Variants in DNAH12 observed in about 807,000 individuals in gnomAD.
DNAH12 encodes the protein axonemal beta dynein heavy chain 12.
Under a neutral mutation model 371.5 loss-of-function variants are expected in DNAH12, and 285 were observed. The ratio of observed to expected loss-of-function variants is 0.77; its 90% CI spans 0.70 to 0.85. The LOEUF (loss-of-function observed/expected upper bound fraction) is 0.85. Among genes scored for constraint, DNAH12 ranks in the 40% least tolerant of loss-of-function variants. DNAH12 has a pLI of 0.00. For missense variants in DNAH12, 3,611 were observed against 3,689.4 expected (o/e 0.98, Z 0.55); for synonymous variants, 1,200 against 1,213.0 (o/e 0.99, Z 0.22).
chr3:57,527,220 G>A (rs1189099344), intron 2 of DNAH12, among the ~76,000 whole-genome samples: 1 of 152,176 alleles, frequency 6.6e-6, no homozygotes, highest in African/African-American at 2.4e-5. Flanking sequence ...AACTAAGACA[G>A]GTGTGGTGAC....
chr3:57,469,613 A>C (rs951959736), intron 16 of DNAH12, among the ~76,000 whole-genome samples: 1 of 152,236 alleles, frequency 6.6e-6, no homozygotes, highest in Admixed American at 6.5e-5. Flanking sequence ...GAATAAAAAA[A>C]ATTTGGTACA....
chr3:57,324,913 A>T (rs2153298073), intron 62 of DNAH12, among the ~76,000 whole-genome samples: 1 of 152,316 alleles, frequency 6.6e-6, no homozygotes, highest in South Asian at 2.1e-4. Flanking sequence ...ACACCAGGAG[A>T]TTATATCCCC....
chr3:57,446,566 C>T lies in DNAH12; in HGVS notation c.3910G>A (p.Asp1304Asn), dbSNP rs375577333. The T allele has an allele frequency of 1.7e-4, 268 of 1,540,304 alleles. No homozygotes were observed. Among genetic ancestry groups the T allele is most frequent in the Non-Finnish European group, 2.2e-4 (255 of 1,142,590 alleles). ...AVQCVVFNCS[D>N]GLDYLAMGKF... ...CCCATTGCTAGATAATCTAGCCCATCAGAACAGTTGAACACCACACACTGT... is the reference window on the plus strand; with the variant it reads ...CCCATTGCTAGATAATCTAGCCCATTAGAACAGTTGAACACCACACACTGT... The change falls in exon 26 of 74, where the codon GAT becomes AAT. Residue 1304 changes from aspartate to asparagine, a missense_variant. Coordinates refer to ENST00000495027, the MANE Select transcript of DNAH12 (RefSeq NM_001366028.2).
chr3:57,468,254 T>C (rs563201642), intron 17 of DNAH12, among the ~76,000 whole-genome samples: 139 of 152,316 alleles, frequency 9.1e-4, no homozygotes, highest in African/African-American at 3.3e-3. Context: ...GTCTTATTCT[T>C]GAGCCTAGGA....
rs957561373 is a variant in DNAH12 at position 57,453,356 on chromosome 3, A to C, written c.3504T>G (p.Ile1168Met). The stretch of plus-strand genomic sequence containing the variant: ...ACAACTTTCCTCTTACCAGCTCTAC[A>C]ATCTCATTCAGTTGGTTCTGAAGTT... The part of the protein sequence containing the change: ...YKELQNQLNE[I>M]VELVRGKLSK... Residue 1168 changes from isoleucine to methionine, a missense_variant, in exon 24 of 74, where the codon ATT becomes ATG. By Grantham distance (10) the Ile-to-Met change is conservative (BLOSUM62 1). Around this residue, in one of 3 missense-constraint regions of DNAH12, gnomAD observed 1,314 missense variants for 1,398.7 expected, o/e 0.94. Coordinates refer to ENST00000495027, the MANE Select transcript of DNAH12 (RefSeq NM_001366028.2). 6 of 1,550,698 alleles carry C rather than the reference A, an allele frequency of 3.9e-6. No individual in the cohort carries two copies. The African/African-American group carries it at 8.2e-5, about 21-fold the overall frequency.
At chr3:57,336,064 C>T (rs1168788398) in intron 60 of DNAH12, among the ~76,000 whole-genome samples, 1 of 152,154 alleles carries the variant, frequency 6.6e-6, no homozygotes, top group East Asian at 1.9e-4. Context: ...TCACTGCAGC[C>T]TCAAACTTCT....
chr3:57,447,402 G>A (rs2065542015), intron 25 of DNAH12, among the ~76,000 whole-genome samples: 2 of 152,218 alleles, frequency 1.3e-5, no homozygotes, highest in African/African-American at 4.8e-5. Context: ...TCTAACTATG[G>A]AGTCTGTTTC....
At chr3:57,341,591 AT>A (rs1260483646) in intron 60 of DNAH12, among the ~76,000 whole-genome samples, 1 of 152,100 alleles carries the variant, frequency 6.6e-6, no homozygotes, top group Admixed American at 6.6e-5. Context: ...AAAAACAATG[AT>A]TTTTTGAAAG....
chr3:57,462,600 G>A, intron 18 of DNAH12, 90 bp downstream of exon 18: 1 of 1,445,510 alleles, frequency 6.9e-7, no homozygotes, highest in South Asian at 1.4e-5. Flanking sequence ...GCGCTATCCA[G>A]TACTATACAC....
intron 60 of DNAH12, among the ~76,000 whole-genome samples, chr3:57,342,387 T>A (rs1470460559): frequency 2.0e-5 from 3 of 147,550 alleles, no homozygotes; most frequent in Non-Finnish European, 1.5e-5. Context: ...ATGCCTGTAA[T>A]CCCAGCACTT....
intron 18 of DNAH12, among the ~76,000 whole-genome samples, chr3:57,462,418 AT>A (rs2066081125): frequency 6.6e-6 from 1 of 151,824 alleles, no homozygotes; most frequent in Non-Finnish European, 1.5e-5. Context: ...TGCCCAGCTA[AT>A]TTTTGTATTT....
chr3:57,506,236 G>C (rs2067754531), intron 8 of DNAH12, among the ~76,000 whole-genome samples: 1 of 152,036 alleles, frequency 6.6e-6, no homozygotes, highest in Non-Finnish European at 1.5e-5. Context: ...CATGGAGTGA[G>C]GTACAGTGAA....
chr3:57,491,092 A>AAAAAAAAC (rs1553708726), intron 11 of DNAH12, among the ~76,000 whole-genome samples: 5 of 147,126 alleles, frequency 3.4e-5, no homozygotes. Context: ...AAAAAAAAAA[A>AAAAAAAAC]AAAAAAAAAC....
the DNAH12 span, among the ~76,000 whole-genome samples, chr3:57,555,970 A>T: frequency 6.6e-6 from 1 of 152,190 alleles, no homozygotes; most frequent in East Asian, 1.9e-4. Context: ...CAGGGAGGAG[A>T]GCTGGTCAGC....
chr3:57,555,795 G>A, the DNAH12 span, among the ~76,000 whole-genome samples: 1 of 152,256 alleles, frequency 6.6e-6, no homozygotes, highest in African/African-American at 2.4e-5. Flanking sequence ...GCTCAGAGGT[G>A]CGTAGGCGCT....
intron 65 of DNAH12, among the ~76,000 whole-genome samples, chr3:57,316,133 C>CTT (rs10652760): frequency 4.2e-5 from 6 of 144,482 alleles, no homozygotes; most frequent in Non-Finnish European, 4.5e-5. Context: ...ACCCCTTCCC[C>CTT]TTTTTTTTTT....
chr3:57,379,498 T>A (rs1317899456), intron 51 of DNAH12, among the ~76,000 whole-genome samples, 200 bp from the exon 52 acceptor site: 1 of 152,186 alleles, frequency 6.6e-6, no homozygotes, highest in Non-Finnish European at 1.5e-5. Context: ...AATATGCAAA[T>A]GTATTACAGA....
chr3:57,467,631 A>G (rs753052816), intron 17 of DNAH12, among the ~76,000 whole-genome samples: 8 of 152,184 alleles, frequency 5.3e-5, no homozygotes, highest in Non-Finnish European at 7.3e-5. Context: ...AATTATAAAC[A>G]ATGGTATACT....
At chr3:57,359,350 C>T (rs951639023) in intron 58 of DNAH12, among the ~76,000 whole-genome samples, 6 of 151,136 alleles carry the variant, frequency 4.0e-5, no homozygotes, top group African/African-American at 7.3e-5. Flanking sequence ...ATCTGAGGTC[C>T]GGAGTTCGAG....
Sources: gnomAD v4.1 joint callset for allele counts (sites outside exome capture counted in the v4.1 genomes callset) on GRCh38, gnomAD v4.1.1 for gene constraint, gnomAD v4.1.1 regional missense constraint, MANE v1.5 for transcripts, NCBI Gene and HGNC (gene_info 2026-07-23, HGNC 2026-07-21) for gene names.